The following SPON1 variants were observed in gnomAD, a reference collection of about 807,000 sequenced individuals.
SPON1 encodes spondin 1.
Under a neutral mutation model 111.7 loss-of-function variants are expected in SPON1, and 52 were observed. The ratio of observed to expected loss-of-function variants is 0.47; its 90% confidence interval spans 0.37 to 0.59. SPON1 has a LOEUF of 0.59. Ranked by LOEUF, SPON1 falls within the 20% of genes least tolerant of loss-of-function variation. The pLI is 0.00. For missense variants in SPON1, 957 were observed against 1,068.5 expected, an observed-to-expected ratio of 0.90 and a Z score of 1.46; for synonymous variants, 410 against 395.8, an observed-to-expected ratio of 1.04 and a Z score of -0.43.
At chr11:13,976,317 C>T (rs782191748) in intron 1 of SPON1, among the ~76,000 whole-genome samples, 2 of 152,064 alleles carry the variant, frequency 1.3e-5, no homozygotes, top group Non-Finnish European at 1.5e-5. Context: ...AGAGAAGATT[C>T]TATTATTTAC....
intron 6 of SPON1, among the ~76,000 whole-genome samples, chr11:14,198,420 T>C (rs896056817): frequency 1.9e-4 from 29 of 152,248 alleles, no homozygotes; most frequent in African/African-American, 6.8e-4. Context: ...TTTTTGATAC[T>C]GAGCCCTTAT....
At chr11:14,158,516 C>A (rs79498880) in intron 6 of SPON1, among the ~76,000 whole-genome samples, 1,844 of 152,232 alleles carry the variant, frequency 0.012, 34 homozygotes, top group African/African-American at 0.042. Flanking sequence ...GTCATTTTCT[C>A]TCCCCAGTCT....
At chr11:14,245,577 T>A (rs1395751671) in intron 7 of SPON1, among the ~76,000 whole-genome samples, 2 of 152,160 alleles carry the variant, frequency 1.3e-5, no homozygotes, top group African/African-American at 4.8e-5. Flanking sequence ...CATGGGGCTG[T>A]GCCTGGAAGG....
At chr11:13,991,633 C>T (rs7128266) in intron 2 of SPON1, among the ~76,000 whole-genome samples, 3,246 of 152,250 alleles carry the variant, frequency 0.021, 121 homozygotes, top group African/African-American at 0.072. Flanking sequence ...TGAGGAGTTG[C>T]GATCCTTTGT....
chr11:14,024,058 G>A (rs2133805089), intron 2 of SPON1, among the ~76,000 whole-genome samples: 1 of 151,750 alleles, frequency 6.6e-6, no homozygotes, highest in Non-Finnish European at 1.5e-5. Context: ...TCCCTCACAA[G>A]GCATGTGACA....
At chr11:13,979,376 C>T (rs959902573) in intron 1 of SPON1, among the ~76,000 whole-genome samples, 116 of 152,178 alleles carry the variant, frequency 7.6e-4, no homozygotes, top group African/African-American at 2.7e-3. Context: ...GACCCTATTT[C>T]CAAATGAGTT....
chr11:14,229,489 G>A (rs782792089), intron 6 of SPON1, among the ~76,000 whole-genome samples: 38 of 152,156 alleles, frequency 2.5e-4, no homozygotes, highest in African/African-American at 6.3e-4. Context: ...TGACAGAAGC[G>A]GAGTGGAGAG....
In SPON1 at chr11:14,248,409, T is replaced by C. The variant is rs868907853; in HGVS notation, c.890+5013T>C. 2.6e-5 allele frequency among the ~76,000 whole-genome samples: 4 copies of C among 152,036 alleles called. No homozygotes were observed. In the South Asian group the frequency reaches 6.2e-4, roughly 24 times the overall value. On this transcript the variant is annotated intron_variant, in intron 7 of 15. Coordinates refer to ENST00000576479, the MANE Select transcript of SPON1 (RefSeq NM_006108.4). ...AGATGGGAGAGACTTTCTGAAAAACTGAAATGAATATTTTGGGACACCTTC... is the reference window on the plus strand; with the variant it reads ...AGATGGGAGAGACTTTCTGAAAAACCGAAATGAATATTTTGGGACACCTTC...
rs35221896 is a variant in SPON1, at chr11:14,178,421, C to CAAA, written c.825+42867_825+42869dup. Among the ~76,000 whole-genome samples, 66 of 123,970 alleles carry CAAA rather than the reference C, an allele frequency of 5.3e-4. 1 individual carries two copies. In the East Asian group the frequency reaches 0.011, roughly 20 times the overall value. 81.3% of individuals were successfully genotyped at this position (123,970 alleles called of 152,430 possible). A position where few individuals can be genotyped will look rare whatever the true frequency, so the allele number is the denominator to read the frequency against. On this transcript the variant is annotated intron_variant, in intron 6 of 15. Transcript: ENST00000576479. ...TGGGGAACAAAGCGAGACTCCGTCT[C>CAAA]AAAAAAAAAAAAAAAAGGAAGTCAC...
chr11:14,229,083 C>G (rs996511851), intron 6 of SPON1, among the ~76,000 whole-genome samples: 2 of 152,166 alleles, frequency 1.3e-5, no homozygotes, highest in Non-Finnish European at 2.9e-5. Context: ...CGTGGTGTGA[C>G]AATCACAAAG....
At chr11:14,076,069 A>G (rs1390193526) in intron 4 of SPON1, among the ~76,000 whole-genome samples, 4 of 152,200 alleles carry the variant, frequency 2.6e-5, no homozygotes, top group Admixed American at 2.6e-4. Context: ...TGACTTAAAT[A>G]GATAAAATAG....
At chr11:14,232,972 G>A (rs1848819424) in intron 6 of SPON1, among the ~76,000 whole-genome samples, 1 of 151,876 alleles carries the variant, frequency 6.6e-6, no homozygotes, top group Admixed American at 6.6e-5. Flanking sequence ...AGAGGCCCTG[G>A]GCAGGTCCTG....
chr11:14,175,725 T>C (rs1337264648), intron 6 of SPON1, among the ~76,000 whole-genome samples: 8 of 152,168 alleles, frequency 5.3e-5, no homozygotes, highest in Non-Finnish European at 7.4e-5. Flanking sequence ...GGTTTCTAGG[T>C]TCCCTTTCTC....
chr11:14,064,203 G>A (rs1554920157), intron 3 of SPON1, among the ~76,000 whole-genome samples: 1 of 152,196 alleles, frequency 6.6e-6, no homozygotes, highest in South Asian at 2.1e-4. Flanking sequence ...TTGGAATTCA[G>A]GCAGAAATGC....
At chr11:14,094,211 CAA>C (rs1183210350) in intron 5 of SPON1, among the ~76,000 whole-genome samples, 17 of 101,632 alleles carry the variant, frequency 1.7e-4, no homozygotes, top group African/African-American at 1.8e-4. Context: ...GACTCTGTCT[CAA>C]AAAAAAAAAA....
chr11:14,252,339 T>C (rs1849061696), intron 7 of SPON1, among the ~76,000 whole-genome samples: 1 of 144,512 alleles, frequency 6.9e-6, no homozygotes, highest in African/African-American at 2.6e-5. Flanking sequence ...AATCCAGCGC[T>C]ATGTATCTGC....
At chr11:14,071,510 G>C (rs1200247628) in intron 3 of SPON1, among the ~76,000 whole-genome samples, 1 of 152,026 alleles carries the variant, frequency 6.6e-6, no homozygotes, top group East Asian at 1.9e-4. Context: ...CGACCCACTA[G>C]ACTGCCCACC....
chr11:14,169,810 A>G (rs1554932245), intron 6 of SPON1, among the ~76,000 whole-genome samples: 2 of 152,064 alleles, frequency 1.3e-5, no homozygotes, highest in South Asian at 2.1e-4. Context: ...AGTTGTAGAT[A>G]TGTGGCATTA....
At chr11:14,078,588 T>A (rs538565877) in intron 4 of SPON1, among the ~76,000 whole-genome samples, 2 of 152,288 alleles carry the variant, frequency 1.3e-5, no homozygotes, top group East Asian at 3.9e-4. Flanking sequence ...GTGCAGAGAT[T>A]AAGGGTATGA....
Sources: gnomAD v4.1 joint callset for allele counts (sites outside exome capture counted in the v4.1 genomes callset) on GRCh38, gnomAD v4.1.1 for gene constraint, MANE v1.5 for transcripts, NCBI Gene and HGNC (gene_info 2026-07-23, HGNC 2026-07-21) for gene names.